The following SPX variants were observed in gnomAD, a reference collection of about 807,000 sequenced individuals.
The protein encoded by SPX is spexin hormone.
Under a neutral mutation model 19.2 loss-of-function variants are expected in SPX, and 22 were observed. The ratio of observed to expected loss-of-function variants is 1.15; its 90% confidence interval spans 0.82 to 1.64. SPX has a LOEUF of 1.64. Ranked by LOEUF, SPX falls within the 40% of genes most tolerant of loss-of-function variation. SPX has a pLI of 0.00. For missense variants in SPX, 143 were observed against 137.7 expected (o/e 1.04, Z -0.19); for synonymous variants, 50 against 53.3 (o/e 0.94, Z 0.27).
intron 4 of SPX, 38 bp downstream of exon 4, chr12:21,527,827 T>C: frequency 6.4e-7 from 1 of 1,553,216 alleles, no homozygotes; most frequent in Non-Finnish European, 8.7e-7. Flanking sequence ...AGTCCTGCGC[T>C]TTTGGAATAG....
chr12:21,527,479 C>A (rs1387738974), intron 3 of SPX: 3 of 601,300 alleles, frequency 5.0e-6, no homozygotes, highest in Non-Finnish European at 8.8e-6. Flanking sequence ...GTAACCCGAC[C>A]TCCGCTCCAA....
rs965499451 is a variant in SPX at position 21,532,446 on chromosome 12, G to A, written c.*1251G>A. 6.6e-6 allele frequency: 1 copy of A among 152,122 alleles called. No homozygotes were observed. The highest frequency in any genetic ancestry group is 1.5e-5 in the Non-Finnish European group (1 of 68,006). The allele number at this position is 152,122 out of a possible 1,614,324, so 9.4% of individuals were successfully genotyped here. A position where few individuals can be genotyped will look rare whatever the true frequency, so the allele number is the denominator to read the frequency against. ...GTATCTTGTTTCATAATTTAATAAT[G>A]AAACTAAATTCAAGTTAATGTAATG... On this transcript the variant is annotated 3_prime_UTR_variant, in exon 6 of 6. Transcript: ENST00000256969.
chr12:21,527,343 G>A (rs1408238084), intron 3 of SPX, 151 bp downstream of exon 3: 2 of 712,652 alleles, frequency 2.8e-6, no homozygotes, highest in Non-Finnish European at 2.4e-6. Context: ...TGAGGGAGGG[G>A]TGGGAGAGGG....
chr12:21,527,190 C>A lies in SPX; in HGVS notation c.143C>A (p.Ala48Glu). ...CAAGCTATGCTCTACCTGAAAGGGG[C>A]ACGTAAGTTCCAAATATTTCGCTCT... ...TPQAMLYLKG[A>E]QGRRFISDQS... The change falls in exon 3 of 6, where the codon GCA becomes GAA. Residue 48 changes from alanine (A) to glutamate (E), a missense_variant and splice_region_variant. By Grantham distance (107) the Ala-to-Glu change is moderately radical (BLOSUM62 -1). Coordinates refer to ENST00000256969, the MANE Select transcript of SPX (RefSeq NM_030572.4). 1 of 1,613,466 alleles carries A rather than the reference C, an allele frequency of 6.2e-7. No individual in the cohort carries two copies. The highest frequency in any genetic ancestry group is 1.1e-5 in the South Asian group (1 of 91,062).
chr12:21,526,956 G>A lies in SPX; in HGVS notation c.77G>A (p.Cys26Tyr), dbSNP rs1943820285. 1 of 1,614,196 alleles carries A rather than the reference G, an allele frequency of 6.2e-7. No homozygotes were observed. Among genetic ancestry groups the A allele is most frequent in the East Asian group, 2.2e-5 (1 of 44,892 alleles). ...LVFVFLGNSS[C>Y]APQRLLERRN... ...TTTGTTTTCCTGGGAAACTCCAGCT[G>A]CGCTCCGCAGGTAATCAAATGCAAA... The change falls in exon 2 of 6, where the codon TGC (cysteine) becomes TAC (tyrosine). Residue 26 changes from cysteine to tyrosine, a missense_variant. Transcript: ENST00000256969.
At position 21,526,950 on chromosome 12, in the gene SPX, C is replaced by A. The variant is rs750225450; in HGVS notation, c.71C>A (p.Ser24Tyr). The A allele has an allele frequency of 2.0e-5, 32 of 1,614,084 alleles. No individual in the cohort carries two copies. The African/African-American group carries it at 3.6e-4, about 18-fold the overall frequency. Residue 24 changes from serine (S) to tyrosine (Y), a missense_variant, in exon 2 of 6, where the codon TCC becomes TAC. Ser to Tyr is a moderately radical substitution (Grantham distance 144, BLOSUM62 -2). Transcript: ENST00000256969. Reference protein sequence around the residue: ...LFLVFVFLGNSSCAPQRLLER... With the variant: ...LFLVFVFLGNYSCAPQRLLER... ...CTGGTGTTTGTTTTCCTGGGAAACT[C>A]CAGCTGCGCTCCGCAGGTAATCAAA...
intron 3 of SPX, 163 bp from the exon 4 acceptor site, chr12:21,527,564 G>C (rs1288839299): frequency 2.8e-6 from 2 of 705,906 alleles, no homozygotes; most frequent in African/African-American, 3.6e-5. Flanking sequence ...GCCCGGGGTT[G>C]CGCTGGGAGC....
intron 2 of SPX, 31 bp from the exon 3 acceptor site, chr12:21,527,104 T>C: frequency 6.2e-7 from 1 of 1,609,526 alleles, no homozygotes; most frequent in Non-Finnish European, 8.5e-7. Flanking sequence ...CAATGTTTTA[T>C]TAACTGCTCT....
At chr12:21,527,924 T>TA in intron 4 of SPX, 135 bp downstream of exon 4, 1 of 987,432 alleles carries the variant, frequency 1.0e-6, no homozygotes, top group Non-Finnish European at 1.5e-6. Flanking sequence ...CGCCCTCAGA[T>TA]ACAGTCCGCC....
At chr12:21,529,964 G>A (rs903987535) in intron 5 of SPX, among the ~76,000 whole-genome samples, 5 of 152,184 alleles carry the variant, frequency 3.3e-5, no homozygotes, top group Non-Finnish European at 7.4e-5. Flanking sequence ...GAGCCAGAAA[G>A]GAAAGTGACT....
chr12:21,527,628 C>A (rs889224301), intron 3 of SPX, 99 bp from the exon 4 acceptor site: 6 of 1,257,800 alleles, frequency 4.8e-6, no homozygotes, highest in African/African-American at 1.5e-5. Flanking sequence ...CTGCCCCCTC[C>A]CCACGCCCGG....
At position 21,527,711 on chromosome 12, in the gene SPX, G is replaced by A; in HGVS notation, c.146-16G>A. On this transcript the variant is annotated splice_polypyrimidine_tract_variant and intron_variant, in intron 3 of 5. Coordinates refer to ENST00000256969, the MANE Select transcript of SPX (RefSeq NM_030572.4). ...CGGGCCAGGCTGTCGCTGAGCCCCAGGTCTCGTTTTTGCAGAGGGTCGCCG... is the reference window on the plus strand; with the variant it reads ...CGGGCCAGGCTGTCGCTGAGCCCCAAGTCTCGTTTTTGCAGAGGGTCGCCG... 8 of 1,559,622 alleles carry A rather than the reference G, an allele frequency of 5.1e-6. No individual in the cohort carries two copies. The highest frequency in any genetic ancestry group is 7.0e-6 in the Non-Finnish European group (8 of 1,150,968).
chr12:21,527,213 T>A (rs1361616172), intron 3 of SPX, 21 bp downstream of exon 3: 1 of 1,606,704 alleles, frequency 6.2e-7, no homozygotes, highest in Non-Finnish European at 8.5e-7. Context: ...AATATTTCGC[T>A]CTTCCTACAA....
At chr12:21,531,068 T>G (rs1943860752) in intron 5 of SPX, 69 bp from the exon 6 acceptor site, 1 of 943,074 alleles carries the variant, frequency 1.1e-6, no homozygotes. Flanking sequence ...GAGATTCTCT[T>G]TGTCTTACCT....
Position 21,531,221 on chromosome 12 carries a change from T to C in SPX, c.*26T>C. 6.6e-7 allele frequency: 1 copy of C among 1,517,866 alleles called. No homozygotes were observed. Among genetic ancestry groups the C allele is most frequent in the Non-Finnish European group, 9.0e-7 (1 of 1,106,574 alleles). The allele number at this position is 1,517,866 out of a possible 1,614,324, so 94.0% of individuals were successfully genotyped here. On this transcript the variant is annotated 3_prime_UTR_variant, in exon 6 of 6. Coordinates refer to ENST00000256969, the MANE Select transcript of SPX (RefSeq NM_030572.4). ...AAATATACTGGATTATGTTTAATTA[T>C]GGTTCTATTCTCTTTGAAAACATGA... is the stretch of plus-strand genomic sequence containing the variant.
At position 21,527,135 on chromosome 12, in the gene SPX, A is replaced by G; in HGVS notation, c.88A>G (p.Arg30Gly). 1 of 1,613,834 alleles carries G rather than the reference A, an allele frequency of 6.2e-7. No individual in the cohort carries two copies. Among genetic ancestry groups the G allele is most frequent in the Non-Finnish European group, 8.5e-7 (1 of 1,179,894 alleles). The stretch of plus-strand genomic sequence containing the variant: ...GCTCTTCCCTTCCCCCGGGCTATAG[A>G]GACTGTTGGAGAGAAGGAACTGGAC... ...FLGNSSCAPQ[R>G]LLERRNWTPQ... Residue 30 changes from arginine (R) to glycine (G), a missense_variant and splice_region_variant, in exon 3 of 6, where the codon AGA (arginine) becomes GGA (glycine). Physicochemically the swap from Arg to Gly is moderately radical, Grantham distance 125. Transcript: ENST00000256969.
intron 3 of SPX, 157 bp downstream of exon 3, chr12:21,527,349 G>A (rs750461043): frequency 1.0e-5 from 7 of 683,798 alleles, no homozygotes; most frequent in Non-Finnish European, 1.8e-5. Flanking sequence ...AGGGGTGGGA[G>A]AGGGGAAGAG....
At chr12:21,529,262 T>G (rs1023637309) in intron 5 of SPX, among the ~76,000 whole-genome samples, 178 bp downstream of exon 5, 9 of 152,120 alleles carry the variant, frequency 5.9e-5, no homozygotes, top group Non-Finnish European at 4.4e-5. Flanking sequence ...TTCTTCCACA[T>G]TATTCTGATG....
At chr12:21,527,687 G>A (rs752924466) in intron 3 of SPX, 40 bp from the exon 4 acceptor site, 15 of 1,550,016 alleles carry the variant, frequency 9.7e-6, no homozygotes, top group South Asian at 4.8e-5. Context: ...GGGTTGTCCC[G>A]GGCCAGGCTG....
Sources: allele counts gnomAD v4.1 joint callset (sites outside exome capture counted in the v4.1 genomes callset), GRCh38; gene constraint gnomAD v4.1.1; transcripts MANE v1.5; gene names NCBI Gene and HGNC (gene_info 2026-07-23, HGNC 2026-07-21).